HOOK3: variants seen among roughly 807,000 people sequenced by gnomAD.
HOOK3 encodes protein Hook homolog 3.
In HOOK3, 24 loss-of-function variants were observed where a neutral mutation model predicts 116.3. The observed-to-expected ratio is 0.21, with a 90% CI of 0.15 to 0.29. HOOK3 has a LOEUF of 0.29. Ranked by LOEUF, HOOK3 falls within the 10% of genes least tolerant of loss-of-function variation. The probability of loss-of-function intolerance (pLI) is 1.00; values close to 1 mark genes in which losing one functional copy is unlikely to be tolerated. For synonymous variants in HOOK3, 275 were observed against 283.0 expected (o/e 0.97, Z 0.28); for missense variants, 632 against 830.2 (o/e 0.76, Z 2.93).
intron 4 of HOOK3, among the ~76,000 whole-genome samples, chr8:42,932,939 T>C (rs529531825): frequency 3.3e-5 from 5 of 152,342 alleles, no homozygotes; most frequent in African/African-American, 1.2e-4. Context: ...ATATTATATA[T>C]TTCTTTGTGC....
At chr8:43,011,283 G>A (rs1321225446) in intron 19 of HOOK3, among the ~76,000 whole-genome samples, 12 of 152,108 alleles carry the variant, frequency 7.9e-5, no homozygotes, top group South Asian at 2.1e-4. Flanking sequence ...GTGAGCCACC[G>A]TGCCTGGCCA....
chr8:42,974,271 C>G, intron 13 of HOOK3, 77 bp downstream of exon 13: 1 of 1,076,720 alleles, frequency 9.3e-7, no homozygotes, highest in Non-Finnish European at 1.4e-6. Flanking sequence ...ATTGCCCAGG[C>G]TGGAGTGCAA....
chr8:42,978,718 C>G (rs1404157722), intron 13 of HOOK3, among the ~76,000 whole-genome samples: 1 of 151,802 alleles, frequency 6.6e-6, no homozygotes, highest in African/African-American at 2.4e-5. Flanking sequence ...ACAGTCACTT[C>G]TTGTATTTTT....
chr8:42,966,065 C>G (rs1473251390), intron 9 of HOOK3, among the ~76,000 whole-genome samples: 1 of 152,160 alleles, frequency 6.6e-6, no homozygotes, highest in Non-Finnish European at 1.5e-5. Flanking sequence ...AACAGTGCCA[C>G]TCTTCTCACT....
intron 4 of HOOK3, among the ~76,000 whole-genome samples, chr8:42,931,085 C>T (rs892434149): frequency 5.2e-4 from 79 of 152,282 alleles, no homozygotes; most frequent in African/African-American, 1.8e-3. Context: ...CTACTTTTCC[C>T]GCACCTAAGG....
Position 42,964,359 on chromosome 8 carries a change from G to C in HOOK3, c.664G>C (p.Val222Leu). The change falls in exon 9 of 22, where the codon GTA (valine) becomes CTA (leucine). Residue 222 changes from valine (V) to leucine (L), a missense_variant. Physicochemically the swap from Val to Leu is conservative, Grantham distance 32. Transcript: ENST00000307602. ...EKSSLLAENQ[V>L]LMERLNQSDS... ...AAGTAGTTTGTTGGCAGAGAATCAG[G>C]TATTAATGGAAAGACTCAATCAATC... The C allele has an allele frequency of 6.2e-7, 1 of 1,614,074 alleles. No homozygotes were observed. The highest frequency in any genetic ancestry group is 8.5e-7 in the Non-Finnish European group (1 of 1,179,942).
chr8:43,006,892 A>G (rs1033910067), intron 17 of HOOK3, among the ~76,000 whole-genome samples: 1 of 152,088 alleles, frequency 6.6e-6, no homozygotes, highest in South Asian at 2.1e-4. Context: ...GCCATATTAA[A>G]TATGATAAAG....
At chr8:42,913,580 T>C (rs917566991) in intron 2 of HOOK3, among the ~76,000 whole-genome samples, 1 of 152,260 alleles carries the variant, frequency 6.6e-6, no homozygotes, top group Non-Finnish European at 1.5e-5. Flanking sequence ...TGAACATTAG[T>C]GTACAATTCT....
chr8:42,964,741 C>T (rs1428906754), intron 9 of HOOK3, among the ~76,000 whole-genome samples: 6 of 151,550 alleles, frequency 4.0e-5, no homozygotes, highest in African/African-American at 1.5e-4. Context: ...AAATGAGAAT[C>T]GCGTGAACTG....
chr8:42,916,030 C>A (rs75500002), intron 2 of HOOK3, among the ~76,000 whole-genome samples: 4,501 of 152,272 alleles, frequency 0.03, 95 homozygotes, highest in African/African-American at 0.055. Context: ...CTCCCTGGCT[C>A]ATCCCAGGCC....
chr8:43,005,213 AATTTTTTT>A (rs1809459225), intron 17 of HOOK3, among the ~76,000 whole-genome samples: 1 of 108,828 alleles, frequency 9.2e-6, no homozygotes, highest in Non-Finnish European at 1.8e-5. Context: ...ATATATATAT[AATTTTTTT>A]TTTTTTTTTT....
At chr8:42,972,823 ACT>A in intron 11 of HOOK3, among the ~76,000 whole-genome samples, 1 of 152,036 alleles carries the variant, frequency 6.6e-6, no homozygotes, top group Non-Finnish European at 1.5e-5. Context: ...TTCAACAACC[ACT>A]CATCTCCTTT....
chr8:42,962,403 G>T (rs1195339626), intron 8 of HOOK3, among the ~76,000 whole-genome samples: 1 of 147,832 alleles, frequency 6.8e-6, no homozygotes, highest in Non-Finnish European at 1.5e-5. Flanking sequence ...CACCTGGCCC[G>T]TGTGTTTTTT....
At chr8:42,933,193 C>T (rs1807903818) in intron 4 of HOOK3, among the ~76,000 whole-genome samples, 1 of 152,068 alleles carries the variant, frequency 6.6e-6, no homozygotes. Flanking sequence ...GCCATTCAGC[C>T]ATGAAAATAC....
chr8:42,947,602 A>G (rs1275703534), intron 5 of HOOK3, among the ~76,000 whole-genome samples: 2 of 152,174 alleles, frequency 1.3e-5, no homozygotes, highest in African/African-American at 4.8e-5. Context: ...TTAACATCTC[A>G]TTTGTCTAGA....
At chr8:42,921,353 T>C (rs1336445796) in intron 2 of HOOK3, among the ~76,000 whole-genome samples, 2 of 152,190 alleles carry the variant, frequency 1.3e-5, no homozygotes, top group South Asian at 2.1e-4. Flanking sequence ...AATACTTGAT[T>C]GCTAATGATT....
At chr8:42,919,490 C>CCCAGACGATGGGCGG in intron 2 of HOOK3, among the ~76,000 whole-genome samples, 1 of 151,678 alleles carries the variant, frequency 6.6e-6, no homozygotes, top group African/African-American at 2.4e-5. Flanking sequence ...CTCCTCACAT[C>CCCAGACGATGGGCGG]CCAGACGATG....
intron 8 of HOOK3, among the ~76,000 whole-genome samples, chr8:42,960,108 T>C (rs1563301544): frequency 6.6e-6 from 1 of 152,238 alleles, no homozygotes; most frequent in African/African-American, 2.4e-5. Flanking sequence ...CTAAGAGTTA[T>C]ACTAATAAGA....
At chr8:42,942,339 C>T (rs145715091) in intron 4 of HOOK3, among the ~76,000 whole-genome samples, 2 of 152,312 alleles carry the variant, frequency 1.3e-5, no homozygotes, top group African/African-American at 4.8e-5. Context: ...AATGTGCATT[C>T]AGAAAAGCAT....
Sources: gnomAD v4.1 joint callset for allele counts (sites outside exome capture counted in the v4.1 genomes callset) on GRCh38, gnomAD v4.1.1 for gene constraint, MANE v1.5 for transcripts, NCBI Gene and HGNC (gene_info 2026-07-23, HGNC 2026-07-21) for gene names.